The following AGR3 variants were observed in gnomAD, a reference collection of about 807,000 sequenced individuals.
AGR3 encodes the protein anterior gradient 3, protein disulphide isomerase family member, also known as anterior gradient protein 3.
A neutral mutation model predicts 24.5 loss-of-function variants in AGR3; 37 were observed. The observed-to-expected ratio is 1.51, with a 90% CI of 1.16 to 1.99. The LOEUF (loss-of-function observed/expected upper bound fraction) is 1.99. Among genes scored for constraint, AGR3 ranks in the 30% most tolerant of loss-of-function variants. The pLI is 0.00. For synonymous variants in AGR3, 75 were observed against 61.6 expected (o/e 1.22, Z -1.02); for missense variants, 228 against 191.1 (o/e 1.19, Z -1.14).
At chr7:16,864,820 A>G (rs753933682) in intron 3 of AGR3, 9 of 888,362 alleles carry the variant, frequency 1.0e-5, no homozygotes, top group African/African-American at 1.6e-5. Flanking sequence ...TCTTGTAGCT[A>G]TAGATGTCCT....
intron 3 of AGR3, chr7:16,864,695 T>C: frequency 1.3e-6 from 2 of 1,572,276 alleles, no homozygotes; most frequent in Non-Finnish European, 1.7e-6. Flanking sequence ...GCCAGGCAAT[T>C]TTCCCCATAC....
chr7:16,864,402 T>C (rs541953919), intron 3 of AGR3: 3 of 1,288,408 alleles, frequency 2.3e-6, no homozygotes, highest in East Asian at 4.6e-5. Flanking sequence ...TTTCCAGCTC[T>C]GTGTCCTGTG....
chr7:16,861,942 A>G (rs1562544831), intron 5 of AGR3, 42 bp downstream of exon 5: 1 of 1,475,280 alleles, frequency 6.8e-7, no homozygotes, highest in Non-Finnish European at 9.3e-7. Context: ...CAAAATTTCC[A>G]TGAAATTATA....
At chr7:16,879,090 A>G (rs139242679) in intron 1 of AGR3, among the ~76,000 whole-genome samples, 7 of 152,328 alleles carry the variant, frequency 4.6e-5, no homozygotes, top group African/African-American at 1.7e-4. Flanking sequence ...CTATACTAAG[A>G]TAAGATTATA....
downstream of AGR3, among the ~76,000 whole-genome samples, chr7:16,854,715 T>A (rs942940759): frequency 7.9e-5 from 12 of 152,160 alleles, no homozygotes; most frequent in Non-Finnish European, 2.9e-5. Flanking sequence ...CTCACAGATC[T>A]GGAGGGTAGA....
downstream of AGR3, among the ~76,000 whole-genome samples, chr7:16,856,388 T>C (rs1781555999): frequency 6.6e-6 from 1 of 152,226 alleles, no homozygotes; most frequent in Non-Finnish European, 1.5e-5. Context: ...AATTCTAAAC[T>C]AGTATTGACA....
In AGR3 at chr7:16,873,770, A is replaced by G. The variant is rs10249749; in HGVS notation, c.173+10T>C. 1,598,144 of 1,599,270 alleles carry G rather than the reference A, an allele frequency of 1. 798,518 individuals are homozygous for G. Among genetic ancestry groups the G allele is most frequent in the South Asian group, 1 (90,744 of 90,744 alleles). On this transcript the variant is annotated intron_variant, in intron 3 of 7. Transcript: ENST00000310398. ...ATAAAAGGAAAAAAATGAGCTGAGAAGCATGTTACCTTTTTTGAGCATAAA... is the reference window on the plus strand; with the variant it reads ...ATAAAAGGAAAAAAATGAGCTGAGAGGCATGTTACCTTTTTTGAGCATAAA...
chr7:16,859,926 T>G (rs1360818506), intron 7 of AGR3, among the ~76,000 whole-genome samples: 1 of 152,004 alleles, frequency 6.6e-6, no homozygotes, highest in African/African-American at 2.4e-5. Flanking sequence ...ACAGGCACAG[T>G]TGTCTTATTA....
Position 16,861,461 on chromosome 7 carries a change from A to G in AGR3, c.304-14T>C. ...AGTGGTTTCATGCTAGCAGGAGAAGAAAAAAAAAGAATGTTATTGGATTCA... is the reference window on the plus strand; with the variant it reads ...AGTGGTTTCATGCTAGCAGGAGAAGGAAAAAAAAGAATGTTATTGGATTCA... On this transcript the variant is annotated splice_polypyrimidine_tract_variant and intron_variant, in intron 5 of 7. Coordinates refer to ENST00000310398, the MANE Select transcript of AGR3 (RefSeq NM_176813.5). The G allele has an allele frequency of 6.4e-7, 1 of 1,565,874 alleles. No individual in the cohort carries two copies. The highest frequency in any genetic ancestry group is 8.7e-7 in the Non-Finnish European group (1 of 1,148,302).
downstream of AGR3, among the ~76,000 whole-genome samples, chr7:16,857,650 G>C (rs1781572779): frequency 6.6e-6 from 1 of 151,908 alleles, no homozygotes; most frequent in South Asian, 2.1e-4. Flanking sequence ...AATCAAAATA[G>C]GCTGTAATAT....
chr7:16,879,474 G>A (rs1782061496), intron 1 of AGR3, among the ~76,000 whole-genome samples: 1 of 152,202 alleles, frequency 6.6e-6, no homozygotes, highest in Admixed American at 6.5e-5. Context: ...TTTAATACTT[G>A]TGAGATGTTT....
chr7:16,855,496 T>G (rs1781544381), downstream of AGR3, among the ~76,000 whole-genome samples: 1 of 152,190 alleles, frequency 6.6e-6, no homozygotes, highest in Non-Finnish European at 1.5e-5. Context: ...GGCCTCCTAT[T>G]GTGGGTGCTC....
At chr7:16,860,347 T>C (rs539300241) in intron 7 of AGR3, 153 bp downstream of exon 7, 1 of 585,446 alleles carries the variant, frequency 1.7e-6, no homozygotes, top group Admixed American at 3.1e-5. Flanking sequence ...CCCAAAATTC[T>C]GATTTTGGTG....
intron 2 of AGR3, among the ~76,000 whole-genome samples, chr7:16,877,643 C>G (rs1444049312): frequency 6.6e-6 from 1 of 151,778 alleles, no homozygotes; most frequent in Non-Finnish European, 1.5e-5. Context: ...GCGGGCGGAT[C>G]ACAAGGTCAG....
At position 16,878,591 on chromosome 7, in the gene AGR3, A is replaced by G; in HGVS notation, c.28T>C (p.Cys10Arg). Residue 10 changes from cysteine to arginine, a missense_variant, in exon 2 of 8, where the codon TGC (cysteine) becomes CGC (arginine). Physicochemically the swap from Cys to Arg is radical, Grantham distance 180. Coordinates refer to ENST00000310398, the MANE Select transcript of AGR3 (RefSeq NM_176813.5). ...GAAGAAACTGTGACGAGTAAGAGGC[A>G]GAGACCCAAAGCTGAGTGTAGCATC... MMLHSALGL[C>R]LLLVTVSSNL... 6.2e-7 allele frequency: 1 copy of G among 1,614,168 alleles called. No homozygotes were observed. Among genetic ancestry groups the G allele is most frequent in the South Asian group, 1.1e-5 (1 of 91,072 alleles).
chr7:16,860,643 T>C (rs989719543), intron 6 of AGR3, 60 bp from the exon 7 acceptor site: 2 of 1,167,618 alleles, frequency 1.7e-6, no homozygotes, highest in Non-Finnish European at 2.5e-6. Context: ...TCTTTACTCT[T>C]GTAAAAACTT....
intron 3 of AGR3, chr7:16,873,450 A>T (rs944846687): frequency 5.0e-6 from 1 of 201,674 alleles, no homozygotes; most frequent in Non-Finnish European, 1.0e-5. Flanking sequence ...GAGGGTTCAG[A>T]GCTGGAAGGA....
intron 1 of AGR3, among the ~76,000 whole-genome samples, chr7:16,879,623 G>T (rs888052636): frequency 5.3e-5 from 8 of 152,030 alleles, no homozygotes; most frequent in African/African-American, 1.9e-4. Flanking sequence ...TTTCCTATTG[G>T]CTTACATTAT....
chr7:16,879,844 G>T (rs888006731), intron 1 of AGR3, among the ~76,000 whole-genome samples: 2 of 152,162 alleles, frequency 1.3e-5, no homozygotes, highest in African/African-American at 4.8e-5. Context: ...AGTAGCAACC[G>T]CAGTCGTGGA....
Sources: gnomAD v4.1 joint callset for allele counts (sites outside exome capture counted in the v4.1 genomes callset) on GRCh38, gnomAD v4.1.1 for gene constraint, MANE v1.5 for transcripts, NCBI Gene and HGNC (gene_info 2026-07-23, HGNC 2026-07-21) for gene names.